The following DOCK5 variants were observed in gnomAD, a reference collection of about 807,000 sequenced individuals.
DOCK5 encodes the protein dedicator of cytokinesis protein 5.
In DOCK5, 142 loss-of-function variants were observed where a neutral mutation model predicts 251.8. The observed-to-expected ratio is 0.56, with a 90% CI of 0.49 to 0.65. The LOEUF is 0.65. DOCK5 is among the 30% of genes least tolerant of loss of function. DOCK5 has a pLI of 0.00. For missense variants in DOCK5, 2,111 were observed against 2,312.3 expected (o/e 0.91, Z 1.79); for synonymous variants, 842 against 835.5 (o/e 1.01, Z -0.13).
At chr8:25,400,856 C>G (rs1339660034) in intron 46 of DOCK5, 73 bp from the exon 47 acceptor site, 2 of 1,564,676 alleles carry the variant, frequency 1.3e-6, no homozygotes, top group Non-Finnish European at 1.7e-6. Flanking sequence ...CCCCATCCCT[C>G]CCTTCCCCAA....
chr8:25,341,829 T>G lies in DOCK5; in HGVS notation c.2510+20T>G, dbSNP rs1179735274. The G allele has an allele frequency of 4.8e-5, 75 of 1,553,160 alleles. No individual in the cohort carries two copies. Among genetic ancestry groups the G allele is most frequent in the Non-Finnish European group, 6.5e-5 (75 of 1,146,672 alleles). ...GCTCAGGTAAATAGCAAAACAAAAT[T>G]TTGTTCCTTAACTCTAACAGAAACA... is the stretch of plus-strand genomic sequence containing the variant. On this transcript the variant is annotated intron_variant, in intron 24 of 51. Transcript: ENST00000276440.
chr8:25,214,408 T>C (rs1211066040), intron 1 of DOCK5, among the ~76,000 whole-genome samples: 1 of 152,074 alleles, frequency 6.6e-6, no homozygotes, highest in Non-Finnish European at 1.5e-5. Context: ...CCTGGGCACA[T>C]GAGTGGGGAA....
intron 18 of DOCK5, among the ~76,000 whole-genome samples, chr8:25,330,435 C>T (rs1034084357): frequency 1.3e-5 from 2 of 152,110 alleles, no homozygotes; most frequent in African/African-American, 4.8e-5. Flanking sequence ...TTACCAAATA[C>T]ATAGTATTTC....
At chr8:25,213,533 G>C (rs974276346) in intron 1 of DOCK5, among the ~76,000 whole-genome samples, 1 of 151,784 alleles carries the variant, frequency 6.6e-6, no homozygotes, top group Non-Finnish European at 1.5e-5. Context: ...TTGTTTTTTT[G>C]TTTTCCTAGT....
At chr8:25,364,483 C>T in intron 29 of DOCK5, 143 bp from the exon 30 acceptor site, 1 of 610,376 alleles carries the variant, frequency 1.6e-6, no homozygotes, top group Admixed American at 2.8e-5. Flanking sequence ...TGGTGTTATG[C>T]TGTTGTCTGC....
At chr8:25,202,249 C>G (rs561118862) in intron 1 of DOCK5, among the ~76,000 whole-genome samples, 1 of 152,138 alleles carries the variant, frequency 6.6e-6, no homozygotes, top group Non-Finnish European at 1.5e-5. Context: ...AACTCCTGTC[C>G]TCAAGCGATC....
chr8:25,379,849 T>TACACACACACAC (rs10569921), intron 38 of DOCK5, among the ~76,000 whole-genome samples: 2 of 146,710 alleles, frequency 1.4e-5, no homozygotes, highest in South Asian at 4.3e-4. Flanking sequence ...TCACTACACC[T>TACACACACACAC]ACACACACAC....
intron 46 of DOCK5, 45 bp from the exon 47 acceptor site, chr8:25,400,884 C>T (rs778579496): frequency 1.2e-6 from 2 of 1,609,256 alleles, no homozygotes; most frequent in Non-Finnish European, 1.7e-6. Context: ...AAAACGATCC[C>T]TCTTCCTGAA....
chr8:25,410,031 A>G, intron 50 of DOCK5, 68 bp from the exon 51 acceptor site: 2 of 1,344,622 alleles, frequency 1.5e-6, no homozygotes, highest in Non-Finnish European at 2.1e-6. Context: ...TTACAGTGCC[A>G]GCAACATTTC....
At chr8:25,405,235 G>A (rs1221327960) in intron 48 of DOCK5, among the ~76,000 whole-genome samples, 7 of 150,936 alleles carry the variant, frequency 4.6e-5, no homozygotes, top group Non-Finnish European at 1.5e-5. Flanking sequence ...CACAATTAAA[G>A]GCCTTTCCCA....
chr8:25,281,201 C>T (rs946797569), intron 5 of DOCK5, among the ~76,000 whole-genome samples: 2 of 151,342 alleles, frequency 1.3e-5, no homozygotes, highest in South Asian at 2.1e-4. Context: ...CTGAGGACGG[C>T]GGATCACTTG....
intron 3 of DOCK5, chr8:25,270,950 A>G: frequency 5.4e-6 from 3 of 556,402 alleles, no homozygotes; most frequent in Non-Finnish European, 9.9e-6. Context: ...AATGCTATGT[A>G]AGTAGTTATT....
intron 1 of DOCK5, among the ~76,000 whole-genome samples, chr8:25,194,005 GC>G (rs1801652129): frequency 6.6e-6 from 1 of 151,988 alleles, no homozygotes; most frequent in African/African-American, 2.4e-5. Context: ...GATAATTGAA[GC>G]CGGGCATGGT....
chr8:25,268,573 ATTG>A (rs1436675853), intron 2 of DOCK5, among the ~76,000 whole-genome samples: 3 of 152,056 alleles, frequency 2.0e-5, no homozygotes, highest in Non-Finnish European at 4.4e-5. Flanking sequence ...TTTTTTTGCT[ATTG>A]TTCTATTCTT....
chr8:25,196,890 C>T (rs1801742236), intron 1 of DOCK5, among the ~76,000 whole-genome samples: 2 of 152,162 alleles, frequency 1.3e-5, no homozygotes, highest in Admixed American at 1.3e-4. Flanking sequence ...TCAAGGAACA[C>T]ACAGTTTGTT....
chr8:25,202,826 A>G (rs1332167894), intron 1 of DOCK5, among the ~76,000 whole-genome samples: 1 of 152,196 alleles, frequency 6.6e-6, no homozygotes, highest in Non-Finnish European at 1.5e-5. Context: ...TGGGGCCATG[A>G]TTAAGTAAAA....
At position 25,192,524 on chromosome 8, in the gene DOCK5, GA is replaced by G. The variant is rs1274668445; in HGVS notation, c.43+7574del. 2.0e-5 allele frequency among the ~76,000 whole-genome samples: 3 copies of G among 152,194 alleles called. No homozygotes were observed. In the East Asian group the frequency reaches 5.8e-4, roughly 29 times the overall value. On this transcript the variant is annotated intron_variant, in intron 1 of 51. Transcript: ENST00000276440. ...GTATTCTTTTTTGTTTTTCTTTTAA[GA>G]GATAGGGTCTCACTGTGTTGCCCAG...
rs1802128915 is a variant in DOCK5, at chr8:25,212,156, G to A, written c.43+27205G>A. Among the ~76,000 whole-genome samples the A allele has an allele frequency of 4.9e-4, 2 of 4,116 alleles. 1 individual carries two copies. Among genetic ancestry groups the A allele is most frequent in the African/African-American group, 8.3e-4 (2 of 2,398 alleles). The allele number at this position is 4,116 out of a possible 152,430, so 2.7% of individuals were successfully genotyped here. On this transcript the variant is annotated intron_variant, in intron 1 of 51. Coordinates refer to ENST00000276440, the MANE Select transcript of DOCK5 (RefSeq NM_024940.8). Reference sequence around the variant, plus strand: ...AGCCTGGGTGACAGAGCGAGACTCCGTCTCAAAAAAAAAAAAAAAAGACAG... The same window carrying A: ...AGCCTGGGTGACAGAGCGAGACTCCATCTCAAAAAAAAAAAAAAAAGACAG...
chr8:25,262,313 G>A (rs1011699405), intron 2 of DOCK5, among the ~76,000 whole-genome samples: 4 of 151,758 alleles, frequency 2.6e-5, no homozygotes, highest in East Asian at 1.9e-4. Context: ...AAAATTCACC[G>A]TTTTTAGTGT....
Sources: gnomAD v4.1 joint callset for allele counts (sites outside exome capture counted in the v4.1 genomes callset) on GRCh38, gnomAD v4.1.1 for gene constraint, MANE v1.5 for transcripts, NCBI Gene and HGNC (gene_info 2026-07-23, HGNC 2026-07-21) for gene names.